The following LGSN variants were observed in gnomAD, a reference collection of about 807,000 sequenced individuals.
LGSN encodes the protein lengsin, lens protein with glutamine synthetase domain.
LGSN carries 21 observed loss-of-function variants against 19.5 expected under a neutral mutation model. The ratio of observed to expected loss-of-function variants is 1.07; its 90% CI spans 0.76 to 1.55. The LOEUF (loss-of-function observed/expected upper bound fraction) is 1.55. LGSN is among the 40% of genes most tolerant of loss of function. The probability of loss-of-function intolerance (pLI) is 0.00; values close to 1 mark genes in which losing one functional copy is unlikely to be tolerated. For synonymous variants in LGSN, 257 were observed against 215.6 expected, an observed-to-expected ratio of 1.19 and a Z score of -1.68; for missense variants, 673 against 608.5, an observed-to-expected ratio of 1.11 and a Z score of -1.12.
At chr6:63,291,036 T>C (rs915705644) in intron 2 of LGSN, among the ~76,000 whole-genome samples, 1 of 152,214 alleles carries the variant, frequency 6.6e-6, no homozygotes, top group Non-Finnish European at 1.5e-5. Flanking sequence ...AATTCACTTA[T>C]GAGAGACGGT....
chr6:63,385,004 C>G, the LGSN span, among the ~76,000 whole-genome samples: 2 of 152,084 alleles, frequency 1.3e-5, no homozygotes, highest in Non-Finnish European at 2.9e-5. Context: ...AGGAGGATGA[C>G]CTCAGAAAAA....
At chr6:63,447,067 G>A in the LGSN span, among the ~76,000 whole-genome samples, 3 of 152,314 alleles carry the variant, frequency 2.0e-5, no homozygotes, top group Admixed American at 1.3e-4. Flanking sequence ...TTAAAAAAAA[G>A]TTAAGCTCAA....
At chr6:63,479,478 G>A in the LGSN span, among the ~76,000 whole-genome samples, 1 of 151,704 alleles carries the variant, frequency 6.6e-6, no homozygotes, top group Non-Finnish European at 1.5e-5. Context: ...AGTGGGTCAC[G>A]CCTATAATCC....
At chr6:63,335,702 T>C in the LGSN span, among the ~76,000 whole-genome samples, 1 of 152,084 alleles carries the variant, frequency 6.6e-6, no homozygotes, top group African/African-American at 2.4e-5. Context: ...AGAACTCTTA[T>C]ACACTGTTAG....
At chr6:63,432,179 G>GAAAGAAAAGA in the LGSN span, among the ~76,000 whole-genome samples, 1,742 of 113,360 alleles carry the variant, frequency 0.015, 169 homozygotes, top group East Asian at 0.063. Context: ...GAAAAGGAAA[G>GAAAGAAAAGA]AAAGAAAAGA....
chr6:63,408,374 C>T, the LGSN span, among the ~76,000 whole-genome samples: 1 of 147,738 alleles, frequency 6.8e-6, no homozygotes, highest in African/African-American at 2.6e-5. Flanking sequence ...GAAATAACGC[C>T]ACATATCTAC....
chr6:63,350,891 G>C, the LGSN span, among the ~76,000 whole-genome samples: 1 of 151,412 alleles, frequency 6.6e-6, no homozygotes, highest in Non-Finnish European at 1.5e-5. Context: ...CGACCAATTG[G>C]TAAGTAAAAC....
chr6:63,412,679 A>AAG, the LGSN span, among the ~76,000 whole-genome samples: 1 of 134,118 alleles, frequency 7.5e-6, no homozygotes, highest in African/African-American at 3.1e-5. Context: ...GAAAGGAAGA[A>AAG]AGAAAGAAAG....
chr6:63,381,153 A>T, the LGSN span, among the ~76,000 whole-genome samples: 1 of 152,170 alleles, frequency 6.6e-6, no homozygotes, highest in Non-Finnish European at 1.5e-5. Flanking sequence ...AGTGAGTCAT[A>T]ATTGTGCCAC....
In LGSN at chr6:63,280,925, T is replaced by C. The variant is rs1767282495; in HGVS notation, c.626A>G (p.Asp209Gly). Residue 209 changes from aspartate to glycine, a missense_variant, in exon 4 of 4, where the codon GAT (aspartate) becomes GGT (glycine). Transcript: ENST00000370657. ...TTCGGGCACACCAAAAATGCAAAAATCATAGATGAAAGCAGAAAGCAGGGA... is the reference window on the plus strand; with the variant it reads ...TTCGGGCACACCAAAAATGCAAAAACCATAGATGAAAGCAGAAAGCAGGGA... ...GFSLLSAFIY[D>G]FCIFGVPEIL... The C allele has an allele frequency of 6.2e-7, 1 of 1,613,784 alleles. No homozygotes were observed. Among genetic ancestry groups the C allele is most frequent in the African/African-American group, 1.3e-5 (1 of 74,848 alleles).
chr6:63,443,250 C>T, the LGSN span, among the ~76,000 whole-genome samples: 1 of 152,232 alleles, frequency 6.6e-6, no homozygotes, highest in Non-Finnish European at 1.5e-5. Flanking sequence ...GCGGGGCCTG[C>T]CGAGCCCGCG....
intron 2 of LGSN, chr6:63,293,862 G>A (rs773069494): frequency 1.3e-4 from 57 of 427,818 alleles, no homozygotes; most frequent in South Asian, 7.0e-4. Context: ...CCTCTCTGTA[G>A]TAATAAGGAA....
chr6:63,477,970 T>A, the LGSN span, among the ~76,000 whole-genome samples: 1 of 152,086 alleles, frequency 6.6e-6, no homozygotes, highest in Non-Finnish European at 1.5e-5. Context: ...CTCCCCCTAC[T>A]CATCTTCTTC....
the LGSN span, among the ~76,000 whole-genome samples, chr6:63,403,135 T>C: frequency 8.6e-5 from 13 of 151,546 alleles, no homozygotes; most frequent in Non-Finnish European, 8.8e-5. Context: ...TTCTATTGGT[T>C]CTGCCTCTCT....
intron 1 of LGSN, among the ~76,000 whole-genome samples, chr6:63,310,934 T>C (rs960950794): frequency 6.6e-6 from 1 of 152,192 alleles, no homozygotes; most frequent in African/African-American, 2.4e-5. Context: ...TTGGCTAACT[T>C]TCTCAAAACA....
the LGSN span, among the ~76,000 whole-genome samples, chr6:63,562,701 G>A: frequency 6.6e-6 from 1 of 152,168 alleles, no homozygotes; most frequent in Admixed American, 6.5e-5. Flanking sequence ...TGCTGTTATT[G>A]TAATCTATCA....
chr6:63,303,110 A>G (rs866952516), intron 1 of LGSN, among the ~76,000 whole-genome samples: 1 of 152,294 alleles, frequency 6.6e-6, no homozygotes. Flanking sequence ...TTAAAAATAT[A>G]CTGGTGTCAT....
At chr6:63,522,423 C>T in the LGSN span, among the ~76,000 whole-genome samples, 1 of 152,178 alleles carries the variant, frequency 6.6e-6, no homozygotes, top group Admixed American at 6.6e-5. Context: ...ATAATTTCAT[C>T]AGGGGACCCT....
At chr6:63,422,073 T>C in the LGSN span, among the ~76,000 whole-genome samples, 1 of 152,190 alleles carries the variant, frequency 6.6e-6, no homozygotes, top group African/African-American at 2.4e-5. Context: ...TTTTGTTGTT[T>C]TGTTGAGACA....
Sources: gnomAD v4.1 joint callset for allele counts (sites outside exome capture counted in the v4.1 genomes callset) on GRCh38, gnomAD v4.1.1 for gene constraint, MANE v1.5 for transcripts, NCBI Gene and HGNC (gene_info 2026-07-23, HGNC 2026-07-21) for gene names.